EYS: variants seen among roughly 807,000 people sequenced by gnomAD.
EYS encodes the protein EGF-like photoreceptor maintenance factor, also known as protein eyes shut homolog.
A neutral mutation model predicts 282.1 loss-of-function variants in EYS; 250 were observed. That is an observed-to-expected ratio of 0.89 (90% CI 0.80 to 0.98). The LOEUF is 0.98. EYS is among the 50% of genes least tolerant of loss of function. The pLI, the probability that EYS is intolerant of heterozygous loss-of-function variation, is 0.00. For synonymous variants in EYS, 1,355 were observed against 1,282.9 expected (o/e 1.06, Z -1.20); for missense variants, 4,016 against 3,709.0 (o/e 1.08, Z -2.15).
intron 19 of EYS, among the ~76,000 whole-genome samples, chr6:64,859,293 ATATT>A (rs1766162906): frequency 6.7e-6 from 1 of 148,968 alleles, no homozygotes; most frequent in African/African-American, 2.4e-5. Flanking sequence ...ATTTATAAGA[ATATT>A]TAAATATTCT....
intron 35 of EYS, among the ~76,000 whole-genome samples, chr6:63,947,541 C>T (rs1178883402): frequency 6.6e-6 from 1 of 152,066 alleles, no homozygotes; most frequent in Non-Finnish European, 1.5e-5. Context: ...AATTTACCTA[C>T]TATTAGGAAT....
intron 5 of EYS, among the ~76,000 whole-genome samples, chr6:65,456,182 G>A (rs961483590): frequency 1.8e-4 from 28 of 152,176 alleles, no homozygotes; most frequent in African/African-American, 6.3e-4. Flanking sequence ...GCCGGGCGAG[G>A]TAGCTCACAC....
chr6:63,997,116 T>C lies in EYS; in HGVS notation c.6834+1959A>G, dbSNP rs965351226. ...TATTTTGTGCCAAAGTCCGTGACTC[T>C]TAAAATTAAATAGCTTCAGCTCACA... On this transcript the variant is annotated intron_variant, in intron 34 of 42. Coordinates refer to ENST00000503581, the MANE Select transcript of EYS (RefSeq NM_001142800.2). Among the ~76,000 whole-genome samples, 5 of 152,222 alleles carry C rather than the reference T, an allele frequency of 3.3e-5. No homozygotes were observed. In the East Asian group the frequency reaches 9.6e-4, roughly 29 times the overall value.
At chr6:64,140,389 CAT>C (rs1432796569) in intron 31 of EYS, among the ~76,000 whole-genome samples, 2 of 152,196 alleles carry the variant, frequency 1.3e-5, no homozygotes, top group Non-Finnish European at 2.9e-5. Flanking sequence ...ATTCACACAG[CAT>C]ATGATGTTTA....
At chr6:65,519,254 A>G (rs1767255087) in intron 2 of EYS, among the ~76,000 whole-genome samples, 2 of 151,906 alleles carry the variant, frequency 1.3e-5, no homozygotes, top group Admixed American at 6.6e-5. Context: ...ATCTATTTGT[A>G]CATTCATTTC....
At chr6:65,021,484 C>T (rs1343454786) in intron 13 of EYS, among the ~76,000 whole-genome samples, 1 of 152,196 alleles carries the variant, frequency 6.6e-6, no homozygotes, top group Non-Finnish European at 1.5e-5. Context: ...AGCCAATCAA[C>T]AAGGCTCTCA....
intron 33 of EYS, among the ~76,000 whole-genome samples, chr6:64,059,071 C>T (rs1760819172): frequency 6.6e-6 from 1 of 152,046 alleles, no homozygotes; most frequent in African/African-American, 2.4e-5. Context: ...TCTCATCATA[C>T]ATTTTCTTCC....
chr6:65,389,392 T>C (rs1266110248), intron 7 of EYS, among the ~76,000 whole-genome samples: 1 of 152,146 alleles, frequency 6.6e-6, no homozygotes, highest in Non-Finnish European at 1.5e-5. Context: ...CCCTCTGCCA[T>C]GAACACTCTT....
At chr6:65,525,789 C>T (rs565080641) in intron 2 of EYS, among the ~76,000 whole-genome samples, 3 of 152,198 alleles carry the variant, frequency 2.0e-5, no homozygotes, top group African/African-American at 7.2e-5. Context: ...CTTTATCTAA[C>T]AGAGTAGCTC....
chr6:64,741,586 T>G (rs751413683), intron 22 of EYS, among the ~76,000 whole-genome samples: 1 of 152,206 alleles, frequency 6.6e-6, no homozygotes, highest in Non-Finnish European at 1.5e-5. Context: ...AAAAGGCTAT[T>G]TTATCTACAT....
intron 12 of EYS, among the ~76,000 whole-genome samples, chr6:65,218,380 C>A (rs1157043957): frequency 6.6e-6 from 1 of 151,984 alleles, no homozygotes; most frequent in African/African-American, 2.4e-5. Context: ...AACATTTTTT[C>A]TTTACCTCCC....
At chr6:65,086,294 C>T (rs1034588187) in intron 12 of EYS, among the ~76,000 whole-genome samples, 1 of 151,666 alleles carries the variant, frequency 6.6e-6, no homozygotes, top group African/African-American at 2.4e-5. Context: ...CCAGCCTAAG[C>T]GTCAGAGTGA....
chr6:64,413,054 G>A (rs1271957752), intron 28 of EYS, among the ~76,000 whole-genome samples: 2 of 152,126 alleles, frequency 1.3e-5, no homozygotes, highest in African/African-American at 4.8e-5. Flanking sequence ...GCTGCAAGGA[G>A]CAGGATTAAA....
At chr6:64,867,490 C>T (rs944040485) in intron 19 of EYS, among the ~76,000 whole-genome samples, 2 of 151,668 alleles carry the variant, frequency 1.3e-5, no homozygotes, top group African/African-American at 4.8e-5. Context: ...ACCTATCAGG[C>T]AGGTGATCCT....
intron 13 of EYS, among the ~76,000 whole-genome samples, chr6:65,004,475 T>C (rs1424222178): frequency 6.8e-6 from 1 of 147,678 alleles, no homozygotes; most frequent in Non-Finnish European, 1.5e-5. Flanking sequence ...GCAATATCCA[T>C]GCAGGCAAGG....
At chr6:64,583,524 A>G (rs959335705) in intron 26 of EYS, among the ~76,000 whole-genome samples, 1 of 152,158 alleles carries the variant, frequency 6.6e-6, no homozygotes, top group Non-Finnish European at 1.5e-5. Context: ...GGCCAGGCAC[A>G]GTAGCTCACG....
intron 1 of EYS, among the ~76,000 whole-genome samples, chr6:65,697,122 T>C (rs1278307558): frequency 6.6e-6 from 1 of 152,056 alleles, no homozygotes; most frequent in Non-Finnish European, 1.5e-5. Flanking sequence ...CATATAATGA[T>C]AATTCACTTT....
intron 22 of EYS, among the ~76,000 whole-genome samples, chr6:64,698,900 G>A (rs558688373): frequency 6.6e-6 from 1 of 152,248 alleles, no homozygotes; most frequent in South Asian, 2.1e-4. Flanking sequence ...TTCAACCATT[G>A]TAGAAAGTGG....
rs138102594 is a variant in EYS at position 64,786,188 on chromosome 6, A to T, written c.3443+27190T>A. ...ACTTGGTAGTCTTTACTGGTTCTAC[A>T]TTTTTTTTTTTTTTTTTGGTTTTAA... On this transcript the variant is annotated intron_variant, in intron 22 of 42. Transcript: ENST00000503581. Among the ~76,000 whole-genome samples the T allele has an allele frequency of 2.7e-4, 38 of 141,566 alleles. 2 individuals are homozygous for T. Among genetic ancestry groups the T allele is most frequent in the East Asian group, 4.2e-4 (2 of 4,812 alleles). The allele number at this position is 141,566 out of a possible 152,430, so 92.9% of individuals were successfully genotyped here. A position where few individuals can be genotyped will look rare whatever the true frequency, so the allele number is the denominator to read the frequency against.
Sources: allele counts gnomAD v4.1 joint callset (sites outside exome capture counted in the v4.1 genomes callset), GRCh38; gene constraint gnomAD v4.1.1; transcripts MANE v1.5; gene names NCBI Gene and HGNC (gene_info 2026-07-23, HGNC 2026-07-21).